INTS2: variants seen among roughly 807,000 people sequenced by gnomAD.
INTS2 encodes KIAA1287.
In INTS2, 57 loss-of-function variants were observed where a neutral mutation model predicts 139.6. The observed-to-expected ratio is 0.41, with a 90% CI of 0.33 to 0.51. The LOEUF is 0.51. INTS2 is among the 20% of genes least tolerant of loss of function. The pLI is 0.28. For missense variants in INTS2, 1,196 were observed against 1,436.7 expected (o/e 0.83, Z 2.71); for synonymous variants, 473 against 493.4 (o/e 0.96, Z 0.55).
chr17:61,889,020 C>CAAAAACAAAAAACAAAAAACA (rs201252855), intron 15 of INTS2, among the ~76,000 whole-genome samples: 3 of 141,032 alleles, frequency 2.1e-5, no homozygotes, highest in African/African-American at 8.0e-5. Context: ...GCAAGACTGT[C>CAAAAACAAAAAACAAAAAACA]AAAAACAAAA....
In INTS2 at chr17:61,876,188, TAA is replaced by T. The variant is rs2079125333; in HGVS notation, c.2457-1152_2457-1151del. Among the ~76,000 whole-genome samples the T allele has an allele frequency of 1.3e-5, 2 of 151,994 alleles. No individual in the cohort carries two copies. Among genetic ancestry groups the T allele is most frequent in the Admixed American group, 6.6e-5 (1 of 15,250 alleles). ...GTATCTAAAAAGTAAAAATAAAAAA[TAA>T]TTTTTTAAAAAATGAACTAGAATTC... On this transcript the variant is annotated intron_variant, in intron 18 of 24. Transcript: ENST00000251334. The surrounding 1 kb of genome is among the most constrained non-coding windows in gnomAD (Gnocchi z 4.1).
chr17:61,927,558 C>T, intron 1 of INTS2, 96 bp downstream of exon 1: 1 of 916,376 alleles, frequency 1.1e-6, no homozygotes, highest in Non-Finnish European at 1.4e-6. Flanking sequence ...CCGGGCGCAA[C>T]TAGAACCAAT....
intron 15 of INTS2, among the ~76,000 whole-genome samples, chr17:61,887,421 T>G (rs2079240037): frequency 6.7e-6 from 1 of 148,676 alleles, no homozygotes; most frequent in African/African-American, 2.5e-5. Context: ...AGGTGGAGGT[T>G]GCAGTGAGCT....
intron 12 of INTS2, 139 bp downstream of exon 12, chr17:61,895,176 T>C (rs2079334583): frequency 3.4e-6 from 2 of 585,246 alleles, no homozygotes; most frequent in South Asian, 4.7e-5. Flanking sequence ...TTTAAGAAAG[T>C]TTCAAAGATG....
At chr17:61,920,165 C>T (rs1012025398) in intron 4 of INTS2, among the ~76,000 whole-genome samples, 40 of 147,502 alleles carry the variant, frequency 2.7e-4, no homozygotes, top group Admixed American at 1.8e-3. Flanking sequence ...GTTATTTTCA[C>T]GAAAATCTTA....
chr17:61,878,147 T>C, intron 17 of INTS2, 59 bp from the exon 18 acceptor site: 1 of 1,054,156 alleles, frequency 9.5e-7, no homozygotes, highest in Non-Finnish European at 1.5e-6. Context: ...AAGCAGGAAG[T>C]AGTAGTGTTC....
At chr17:61,889,617 A>G (rs2079269025) in intron 15 of INTS2, among the ~76,000 whole-genome samples, 169 bp downstream of exon 15, 1 of 152,226 alleles carries the variant, frequency 6.6e-6, no homozygotes, top group Non-Finnish European at 1.5e-5. Flanking sequence ...ACATACCCCA[A>G]CATACATGAT....
At chr17:61,880,451 A>T (rs1421875250) in intron 17 of INTS2, among the ~76,000 whole-genome samples, 1 of 152,124 alleles carries the variant, frequency 6.6e-6, no homozygotes, top group African/African-American at 2.4e-5. Context: ...GCACATCAGA[A>T]AGAAATGGTA....
rs763957845 is a variant in INTS2 at position 61,912,026 on chromosome 17, T to A, written c.694A>T (p.Ser232Cys). The A allele has an allele frequency of 6.2e-7, 1 of 1,613,694 alleles. No homozygotes were observed. Among genetic ancestry groups the A allele is most frequent in the Admixed American group, 1.7e-5 (1 of 59,968 alleles). The part of the protein sequence containing the change: ...IKNGERQDEE[S>C]LGGRRRTDAL... ...TCTGTCCTGCGCCTTCCTCCAAGAC[T>A]TTCTTCATCTTGTCGTTCTCCATTT... is the stretch of plus-strand genomic sequence containing the variant. The change falls in exon 6 of 25, where the codon AGT becomes TGT. Residue 232 changes from serine to cysteine, a missense_variant. By Grantham distance (112) the Ser-to-Cys change is moderately radical. Transcript: ENST00000251334.
rs778722882 is a variant in INTS2 at position 61,893,718 on chromosome 17, A to T, written c.1698+47T>A. The T allele has an allele frequency of 5.9e-6, 8 of 1,366,072 alleles. No individual in the cohort carries two copies. Among genetic ancestry groups the T allele is most frequent in the Middle Eastern group, 2.0e-4 (1 of 4,882 alleles). The allele number at this position is 1,366,072 out of a possible 1,614,324, so 84.6% of individuals were successfully genotyped here. A position where few individuals can be genotyped will look rare whatever the true frequency, so the allele number is the denominator to read the frequency against. On this transcript the variant is annotated intron_variant, in intron 13 of 24. Coordinates refer to ENST00000251334, the MANE Select transcript of INTS2 (RefSeq NM_001351695.2). The surrounding 1 kb of genome is among the most constrained non-coding windows in gnomAD (Gnocchi z 5.4). ...TCAAAAGAAAAAAAATATATATATA[A>T]AAATGTAGGGGCATGCTTTTATTTT...
intron 17 of INTS2, 23 bp downstream of exon 17, chr17:61,880,984 G>T: frequency 6.3e-7 from 1 of 1,585,042 alleles, no homozygotes; most frequent in Non-Finnish European, 8.7e-7. Flanking sequence ...AGGGGTTAAA[G>T]GAGTATCAAT....
At chr17:61,879,848 TAAAGA>T (rs1030099515) in intron 17 of INTS2, among the ~76,000 whole-genome samples, 3 of 152,000 alleles carry the variant, frequency 2.0e-5, no homozygotes, top group Admixed American at 6.6e-5. Context: ...TCAAAAAAAA[TAAAGA>T]AAAGAAAAAA....
chr17:61,890,950 T>A (rs1287235793), intron 14 of INTS2, among the ~76,000 whole-genome samples: 1 of 106,640 alleles, frequency 9.4e-6, no homozygotes, highest in African/African-American at 3.8e-5. Context: ...CCCATTGCAC[T>A]CCAGCCTGGG....
chr17:61,874,784 C>A (rs1457580401), intron 19 of INTS2, 129 bp downstream of exon 19: 2 of 558,904 alleles, frequency 3.6e-6, no homozygotes, highest in Non-Finnish European at 5.4e-6. Context: ...GACAAAAAAC[C>A]GCACAGGTCA....
At chr17:61,905,772 A>G (rs2079456579) in intron 8 of INTS2, among the ~76,000 whole-genome samples, 1 of 152,078 alleles carries the variant, frequency 6.6e-6, no homozygotes, top group Non-Finnish European at 1.5e-5. Flanking sequence ...ATCTTAGCTC[A>G]CCGCAACCTC....
chr17:61,920,200 C>T (rs568710523), intron 4 of INTS2, among the ~76,000 whole-genome samples: 2,351 of 81,428 alleles, frequency 0.029, 60 homozygotes, highest in African/African-American at 0.11. Flanking sequence ...TTTTTTTTTG[C>T]GACGAAGTCT....
rs1284757773 is a variant in INTS2 at position 61,909,743 on chromosome 17, T to C, written c.954+1777A>G. The stretch of plus-strand genomic sequence containing the variant: ...TTACTGTCAGACATGATTTTATTCT[T>C]TTTTATGGTTGAGTTGTATTCCATG... On this transcript the variant is annotated intron_variant, in intron 7 of 24. Transcript: ENST00000251334. The surrounding 1 kb of genome is among the most constrained non-coding windows in gnomAD (Gnocchi z 4.9). Among the ~76,000 whole-genome samples, 1 of 152,094 alleles carries C rather than the reference T, an allele frequency of 6.6e-6. No individual in the cohort carries two copies. The highest frequency in any genetic ancestry group is 1.5e-5 in the Non-Finnish European group (1 of 68,004).
chr17:61,916,449 GAC>G (rs1218889662), intron 5 of INTS2, among the ~76,000 whole-genome samples: 1 of 151,908 alleles, frequency 6.6e-6, no homozygotes, highest in African/African-American at 2.4e-5. Flanking sequence ...AAAATAAACA[GAC>G]ACACGGACCA....
intron 4 of INTS2, 55 bp from the exon 5 acceptor site, chr17:61,919,568 C>T: frequency 4.5e-6 from 4 of 886,064 alleles, no homozygotes; most frequent in South Asian, 1.5e-5. Context: ...CTCCACCACA[C>T]CCAGCTAATT....
Sources: allele counts gnomAD v4.1 joint callset (sites outside exome capture counted in the v4.1 genomes callset), GRCh38; gene constraint gnomAD v4.1.1; non-coding constraint Gnocchi (gnomAD v3.1); transcripts MANE v1.5; gene names NCBI Gene and HGNC (gene_info 2026-07-23, HGNC 2026-07-21).